EDEM3: variants seen among roughly 807,000 people sequenced by gnomAD.
The protein encoded by EDEM3 is ER degradation-enhancing alpha-mannosidase-like protein 3.
A neutral mutation model predicts 110.2 loss-of-function variants in EDEM3; 60 were observed. The ratio of observed to expected loss-of-function variants is 0.54; its 90% confidence interval spans 0.44 to 0.67. The LOEUF (loss-of-function observed/expected upper bound fraction) is 0.67, where lower values mean the gene tolerates loss of function less well. EDEM3 is among the 30% of genes least tolerant of loss of function. EDEM3 has a pLI of 0.00. For synonymous variants in EDEM3, 352 were observed against 382.9 expected, an observed-to-expected ratio of 0.92 and a Z score of 0.94; for missense variants, 996 against 1,121.0, an observed-to-expected ratio of 0.89 and a Z score of 1.59.
At position 184,716,928 on chromosome 1, in the gene EDEM3, C is replaced by T; in HGVS notation, c.1330G>A (p.Ala444Thr). 1 of 1,613,340 alleles carries T rather than the reference C, an allele frequency of 6.2e-7. No individual in the cohort carries two copies. Among genetic ancestry groups the T allele is most frequent in the Non-Finnish European group, 8.5e-7 (1 of 1,179,420 alleles). The change falls in exon 13 of 20, where the codon GCT becomes ACT. Residue 444 changes from alanine (A) to threonine (T), a missense_variant. Physicochemically the swap from Ala to Thr is moderately conservative, Grantham distance 58 (BLOSUM62 0). Transcript: ENST00000318130. ...CCAGTACGAACATCCTTCATGGCAG[C>T]AAATCCGCAAGGCACTCTAGCATAT... Reference protein sequence around the residue: ...NKYARVPCGFAAMKDVRTGSH... With the variant: ...NKYARVPCGFTAMKDVRTGSH...
At chr1:184,719,361 T>C in intron 10 of EDEM3, 82 bp downstream of exon 10, 2 of 1,546,972 alleles carry the variant, frequency 1.3e-6, no homozygotes, top group South Asian at 1.2e-5. Flanking sequence ...CTATGTTTTG[T>C]AGTTCAGTTT....
At chr1:184,736,948 A>T in intron 4 of EDEM3, 77 bp downstream of exon 4, 1 of 1,183,490 alleles carries the variant, frequency 8.4e-7, no homozygotes, top group Non-Finnish European at 1.3e-6. Flanking sequence ...TTTCATACTT[A>T]CTGTGTTATG....
chr1:184,700,073 G>A (rs1469006140), intron 19 of EDEM3, among the ~76,000 whole-genome samples: 1 of 151,956 alleles, frequency 6.6e-6, no homozygotes. Flanking sequence ...ACTGTGGATA[G>A]CTTAACTTTC....
rs1443069534 is a variant in EDEM3, at chr1:184,691,556, A to G, written c.*2507T>C. ...GATGTTTCTAAATTCGGGGTTTCAT[A>G]GAATCCCCTGAATCTTTAGCAAGTT... On this transcript the variant is annotated 3_prime_UTR_variant, in exon 20 of 20. Transcript: ENST00000318130. 1 of 152,416 alleles carries G rather than the reference A, an allele frequency of 6.6e-6. No individual in the cohort carries two copies. Among genetic ancestry groups the G allele is most frequent in the Non-Finnish European group, 1.5e-5 (1 of 67,956 alleles). 9.4% of individuals were successfully genotyped at this position (152,416 alleles called of 1,614,324 possible).
chr1:184,737,685 G>C lies in EDEM3; in HGVS notation c.231C>G (p.Leu77=), dbSNP rs1336738500. 2 of 1,613,978 alleles carry C rather than the reference G, an allele frequency of 1.2e-6. No individual in the cohort carries two copies. Among genetic ancestry groups the C allele is most frequent in the South Asian group, 2.2e-5 (2 of 91,070 alleles). The change falls in exon 3 of 20, where the codon CTC becomes CTG. Residue 77 remains leucine, a synonymous_variant. Coordinates refer to ENST00000318130, the MANE Select transcript of EDEM3 (RefSeq NM_025191.4). ...CTCGACCTCTACAGGTTAAAGGCAT[G>C]AGTTCATCAGCAGGGTAAGCATGTT... is the stretch of plus-strand genomic sequence containing the variant. ...YMEHAYPADE[L]MPLTCRGRVR...
At chr1:184,729,498 A>G (rs886603574) in intron 6 of EDEM3, among the ~76,000 whole-genome samples, 5 of 152,230 alleles carry the variant, frequency 3.3e-5, no homozygotes, top group Non-Finnish European at 5.9e-5. Flanking sequence ...ATGGCATTAC[A>G]AAGTACGTAC....
At chr1:184,743,810 A>G (rs1217457571) in intron 2 of EDEM3, among the ~76,000 whole-genome samples, 1 of 152,160 alleles carries the variant, frequency 6.6e-6, no homozygotes, top group Non-Finnish European at 1.5e-5. Flanking sequence ...TTTTTTACAC[A>G]TATTTCAAAA....
chr1:184,735,345 A>T (rs2102114821), intron 4 of EDEM3, among the ~76,000 whole-genome samples: 1 of 152,344 alleles, frequency 6.6e-6, no homozygotes, highest in Non-Finnish European at 1.5e-5. Flanking sequence ...GCTTAAAATA[A>T]TTACAACTAT....
At chr1:184,747,809 T>C (rs1284773930) in intron 2 of EDEM3, among the ~76,000 whole-genome samples, 1 of 152,230 alleles carries the variant, frequency 6.6e-6, no homozygotes, top group Non-Finnish European at 1.5e-5. Flanking sequence ...GTGTATTCTA[T>C]AGTTAGAAAA....
chr1:184,711,132 CTT>C (rs1381122702), intron 15 of EDEM3, among the ~76,000 whole-genome samples: 1 of 151,922 alleles, frequency 6.6e-6, no homozygotes, highest in Admixed American at 6.6e-5. Context: ...GAGTTTCGCT[CTT>C]GTCACCCAGA....
At position 184,696,457 on chromosome 1, in the gene EDEM3, T is replaced by C. The variant is rs1022012765; in HGVS notation, c.2390-1985A>G. On this transcript the variant is annotated intron_variant, in intron 19 of 19. Transcript: ENST00000318130. ...TTTTGTTTTTTTTTAACCCGGGGTGTCCGCTGTAACCCTTTATGATGGGGA... is the reference window on the plus strand; with the variant it reads ...TTTTGTTTTTTTTTAACCCGGGGTGCCCGCTGTAACCCTTTATGATGGGGA... 2.0e-5 allele frequency among the ~76,000 whole-genome samples: 3 copies of C among 152,010 alleles called. No homozygotes were observed. In the South Asian group the frequency reaches 6.2e-4, roughly 32 times the overall value.
At chr1:184,748,723 T>G (rs1489784668) in intron 2 of EDEM3, among the ~76,000 whole-genome samples, 1 of 152,208 alleles carries the variant, frequency 6.6e-6, no homozygotes, top group Non-Finnish European at 1.5e-5. Flanking sequence ...TATGAAGATA[T>G]TTGGTTAATA....
chr1:184,708,550 T>C (rs529472429), intron 16 of EDEM3, among the ~76,000 whole-genome samples: 1 of 152,352 alleles, frequency 6.6e-6, no homozygotes, highest in East Asian at 1.9e-4. Context: ...CCGTATTTTT[T>C]ATCAATGTCA....
At chr1:184,721,174 A>G (rs1650880156) in intron 9 of EDEM3, 115 bp downstream of exon 9, 1 of 809,634 alleles carries the variant, frequency 1.2e-6, no homozygotes, top group Admixed American at 3.2e-5. Context: ...TACTGACACA[A>G]AACCACTACA....
chr1:184,741,137 C>T (rs956927556), intron 2 of EDEM3, among the ~76,000 whole-genome samples: 1 of 152,114 alleles, frequency 6.6e-6, no homozygotes, highest in African/African-American at 2.4e-5. Flanking sequence ...GTGGCTCATG[C>T]CTGTAATCCC....
At chr1:184,752,648 A>G (rs1369810221) in intron 1 of EDEM3, among the ~76,000 whole-genome samples, 1 of 152,240 alleles carries the variant, frequency 6.6e-6, no homozygotes, top group Non-Finnish European at 1.5e-5. Context: ...TTTTACAAAT[A>G]AGTTTTTAAT....
rs1242683763 is a variant in EDEM3, at chr1:184,737,648, C to G, written c.268G>C (p.Glu90Gln). 48 of 1,613,940 alleles carry G rather than the reference C, an allele frequency of 3.0e-5. No individual in the cohort carries two copies. Among genetic ancestry groups the G allele is most frequent in the Non-Finnish European group, 4.1e-5 (48 of 1,179,928 alleles). The change falls in exon 3 of 20, where the codon GAG becomes CAG. Residue 90 changes from glutamate to glutamine, a missense_variant. Glu to Gln is a conservative substitution (Grantham distance 29, BLOSUM62 2). Transcript: ENST00000318130. ...LTCRGRVRGQ[E>Q]PSRGDVDDAL... ...TCATCAACGTCACCGCGACTTGGCT[C>G]TTGGCCTCTAACTCGACCTCTACAG...
intron 2 of EDEM3, among the ~76,000 whole-genome samples, chr1:184,745,072 T>C (rs188554963): frequency 1.1e-3 from 162 of 152,214 alleles, no homozygotes; most frequent in African/African-American, 3.7e-3. Context: ...CTGTATACAA[T>C]TGTCAAAAAA....
chr1:184,749,568 A>G lies in EDEM3; in HGVS notation c.183T>C (p.Asp61=). The change falls in exon 2 of 20, where the codon GAT becomes GAC. Residue 61 remains aspartate (D), a synonymous_variant. Coordinates refer to ENST00000318130, the MANE Select transcript of EDEM3 (RefSeq NM_025191.4). ...KLGNQVLEMF[D]HAYGNYMEHA... is the part of the protein sequence containing the mutation. ...TTACCATATAGTTACCATAAGCATG[A>G]TCAAACATTTCCAGTACTTGATTCC... 1 of 1,574,640 alleles carries G rather than the reference A, an allele frequency of 6.4e-7. No individual in the cohort carries two copies. The highest frequency in any genetic ancestry group is 8.6e-7 in the Non-Finnish European group (1 of 1,160,750).
Sources: gnomAD v4.1 joint callset for allele counts (sites outside exome capture counted in the v4.1 genomes callset) on GRCh38, gnomAD v4.1.1 for gene constraint, MANE v1.5 for transcripts, NCBI Gene and HGNC (gene_info 2026-07-23, HGNC 2026-07-21) for gene names.